ZSCAN4: variants seen among roughly 807,000 people sequenced by gnomAD.
ZSCAN4 encodes zinc finger and SCAN domain containing 4, also known as zinc finger and SCAN domain-containing protein 4.
In ZSCAN4, 18 loss-of-function variants were observed where a neutral mutation model predicts 18.3. The observed-to-expected ratio is 0.98, with a 90% CI of 0.68 to 1.46. The LOEUF (loss-of-function observed/expected upper bound fraction) is 1.46. Among genes scored for constraint, ZSCAN4 ranks in the 40% most tolerant of loss-of-function variants. ZSCAN4 has a pLI of 0.00. For missense variants in ZSCAN4, 498 were observed against 511.4 expected (o/e 0.97, Z 0.25); for synonymous variants, 193 against 180.3 (o/e 1.07, Z -0.57).
At chr19:57,673,965 G>T (rs111604407) in intron 2 of ZSCAN4, among the ~76,000 whole-genome samples, 106 of 152,242 alleles carry the variant, frequency 7.0e-4, no homozygotes, top group Non-Finnish European at 1.2e-3. Context: ...TGTTGGCAAG[G>T]CTGGTCTTGA....
chr19:57,652,275 A>G, the ZSCAN4 span, among the ~76,000 whole-genome samples: 5 of 152,178 alleles, frequency 3.3e-5, no homozygotes, highest in African/African-American at 7.2e-5. Context: ...TGGCCCCAAT[A>G]TAAGCTGGAC....
chr19:57,674,804 A>G (rs1352205188), intron 2 of ZSCAN4, among the ~76,000 whole-genome samples: 4 of 152,198 alleles, frequency 2.6e-5, no homozygotes, highest in Non-Finnish European at 5.9e-5. Flanking sequence ...TGTAAACAAA[A>G]TCAAGACTCT....
At chr19:57,659,653 T>A in the ZSCAN4 span, among the ~76,000 whole-genome samples, 1 of 152,202 alleles carries the variant, frequency 6.6e-6, no homozygotes, top group Non-Finnish European at 1.5e-5. Context: ...ATTCATTCAC[T>A]GTCTCTACCT....
At chr19:57,659,662 C>T in the ZSCAN4 span, among the ~76,000 whole-genome samples, 6 of 152,150 alleles carry the variant, frequency 3.9e-5, no homozygotes, top group African/African-American at 1.4e-4. Flanking sequence ...CTGTCTCTAC[C>T]TTCAAGTTAC....
chr19:57,676,393 T>C (rs1021997668), exon 3 of ZSCAN4: 2 of 1,614,060 alleles, frequency 1.2e-6, no homozygotes, highest in African/African-American at 1.3e-5. Flanking sequence ...AAGGATGAAA[T>C]TATTTCTCTA....
exon 3 of ZSCAN4, chr19:57,676,287 A>C (rs375855797): frequency 5.6e-6 from 9 of 1,614,090 alleles, no homozygotes; most frequent in Non-Finnish European, 7.6e-6. Context: ...AATGGTGCTC[A>C]ATTCATTTCA....
In ZSCAN4 at chr19:57,678,493, CAT is replaced by C. The variant is rs1219408280; in HGVS notation, c.891_892del (p.Cys298Ter). 2 of 1,614,052 alleles carry C rather than the reference CAT, an allele frequency of 1.2e-6. No individual in the cohort carries two copies. Among genetic ancestry groups the C allele is most frequent in the Non-Finnish European group, 8.5e-7 (1 of 1,180,044 alleles). ...CACCAGAGCAATGAGGGAAATTCCA[CAT>C]GTGAGGTACATCAGAAAGGATCCCA... On this transcript the variant is annotated frameshift_variant, in exon 5 of 5. Coordinates refer to ENST00000318203, the Ensembl canonical transcript of ZSCAN4. LOFTEE classifies it low-confidence loss of function (END_TRUNC).
intron 1 of ZSCAN4, among the ~76,000 whole-genome samples, chr19:57,669,747 G>T (rs1266023844): frequency 6.7e-6 from 1 of 149,978 alleles, no homozygotes; most frequent in Non-Finnish European, 1.5e-5. Flanking sequence ...TTTTTTTAGA[G>T]ACTTGGTCTC....
intron 3 of ZSCAN4, among the ~76,000 whole-genome samples, chr19:57,677,182 C>T (rs1333744218): frequency 6.6e-5 from 10 of 152,144 alleles, no homozygotes; most frequent in South Asian, 2.1e-4. Context: ...GAAGCAATTA[C>T]GGTAGATCCT....
chr19:57,678,853 C>T, exon 5 of ZSCAN4: 1 of 1,612,282 alleles, frequency 6.2e-7, no homozygotes, highest in Non-Finnish European at 8.5e-7. Flanking sequence ...CATATGAGGA[C>T]TCATGAGAAA....
intron 3 of ZSCAN4, among the ~76,000 whole-genome samples, chr19:57,677,693 C>T (rs2043619194): frequency 6.6e-6 from 1 of 152,104 alleles, no homozygotes; most frequent in Admixed American, 6.5e-5. Context: ...TGAATTTTTC[C>T]TAGGGGAAAT....
chr19:57,664,963 G>T, upstream of ZSCAN4: 1 of 159,666 alleles, frequency 6.3e-6, no homozygotes, highest in South Asian at 1.7e-4. Context: ...AGACCGGCCT[G>T]GGATTGATGT....
upstream of ZSCAN4, among the ~76,000 whole-genome samples, chr19:57,668,268 G>A (rs1006009350): frequency 1.2e-4 from 18 of 151,512 alleles, no homozygotes; most frequent in African/African-American, 4.1e-4. Context: ...TCCTGTCACA[G>A]TTGGTTTAAT....
chr19:57,652,913 T>C, the ZSCAN4 span, among the ~76,000 whole-genome samples: 3 of 152,074 alleles, frequency 2.0e-5, no homozygotes, highest in Admixed American at 2.0e-4. Flanking sequence ...TGTCATCCTC[T>C]CCTCCCCTCT....
At chr19:57,678,269 C>A in exon 5 of ZSCAN4, 1 of 1,614,158 alleles carries the variant, frequency 6.2e-7, no homozygotes, top group Non-Finnish European at 8.5e-7. Context: ...TAATCATCAT[C>A]CAGGAAGAGA....
upstream of ZSCAN4, chr19:57,664,534 GCCCCTGGGACAGT>G (rs1451291261): frequency 6.5e-6 from 1 of 152,752 alleles, no homozygotes; most frequent in East Asian, 1.9e-4. Flanking sequence ...AGGCCGAGGG[GCCCCTGGGACAGT>G]GAGAAGCAGC....
chr19:57,678,820 G>T, exon 5 of ZSCAN4: 1 of 1,614,006 alleles, frequency 6.2e-7, no homozygotes, highest in Non-Finnish European at 8.5e-7. Context: ...ACAAGCTACC[G>T]CCAGTCATCC....
At chr19:57,666,362 T>G (rs376143740), upstream of ZSCAN4, among the ~76,000 whole-genome samples, 8 of 152,278 alleles carry the variant, frequency 5.3e-5, no homozygotes, top group Admixed American at 3.3e-4. Context: ...ACGACTGTTG[T>G]AGCTTTTAGC....
chr19:57,675,191 A>G (rs1984145582), intron 2 of ZSCAN4, among the ~76,000 whole-genome samples: 1 of 129,848 alleles, frequency 7.7e-6, no homozygotes, highest in South Asian at 2.5e-4. Context: ...TCTGTCAGCC[A>G]GGCTGGAGTG....
Sources: allele counts gnomAD v4.1 joint callset (sites outside exome capture counted in the v4.1 genomes callset), GRCh38; gene constraint gnomAD v4.1.1; transcripts MANE v1.5; gene names NCBI Gene and HGNC (gene_info 2026-07-23, HGNC 2026-07-21).